PRICKLE1: variants seen among roughly 807,000 people sequenced by gnomAD.
PRICKLE1 encodes the protein prickle planar cell polarity protein 1, also known as prickle-like protein 1.
A neutral mutation model predicts 70.2 loss-of-function variants in PRICKLE1; 14 were observed. That is an observed-to-expected ratio of 0.20 (90% CI 0.13 to 0.31). The LOEUF is 0.31. Ranked by LOEUF, PRICKLE1 falls within the 10% of genes least tolerant of loss-of-function variation. The pLI is 1.00. For synonymous variants in PRICKLE1, 357 were observed against 379.9 expected (o/e 0.94, Z 0.70); for missense variants, 821 against 1,026.2 (o/e 0.80, Z 2.73).
At chr12:42,545,777 T>C (rs2120623659) in intron 1 of PRICKLE1, among the ~76,000 whole-genome samples, 2 of 151,368 alleles carry the variant, frequency 1.3e-5, no homozygotes, top group South Asian at 4.2e-4. Flanking sequence ...TTGAACTCGG[T>C]AGGCAAAGGT....
chr12:42,571,469 C>T (rs1718787139), intron 1 of PRICKLE1, among the ~76,000 whole-genome samples: 1 of 152,160 alleles, frequency 6.6e-6, no homozygotes, highest in Non-Finnish European at 1.5e-5. Context: ...GTGTTTAAAG[C>T]TGGTGAGGGG....
chr12:42,585,853 T>C (rs1940978585), intron 1 of PRICKLE1, among the ~76,000 whole-genome samples: 1 of 152,162 alleles, frequency 6.6e-6, no homozygotes, highest in Non-Finnish European at 1.5e-5. Context: ...AAGCGCTACA[T>C]TTCTGTGTGT....
chr12:42,516,748 G>A (rs1939618472), intron 1 of PRICKLE1, among the ~76,000 whole-genome samples: 1 of 152,122 alleles, frequency 6.6e-6, no homozygotes, highest in Non-Finnish European at 1.5e-5. Flanking sequence ...GATGATCTAG[G>A]TTGGGCCGTT....
intron 1 of PRICKLE1, among the ~76,000 whole-genome samples, chr12:42,553,386 G>A (rs1195756510): frequency 1.3e-5 from 2 of 151,744 alleles, no homozygotes; most frequent in South Asian, 2.1e-4. Flanking sequence ...AGAGCTTGCA[G>A]TGAGCCGAGA....
chr12:42,477,448 A>AT, intron 1 of PRICKLE1, among the ~76,000 whole-genome samples: 5 of 127,320 alleles, frequency 3.9e-5, no homozygotes, highest in African/African-American at 1.7e-4. Context: ...ATGTGTATAT[A>AT]TGTATATACG....
At chr12:42,498,778 G>A (rs1231436214) in intron 1 of PRICKLE1, among the ~76,000 whole-genome samples, 1 of 152,110 alleles carries the variant, frequency 6.6e-6, no homozygotes, top group Non-Finnish European at 1.5e-5. Context: ...TGTAGAACTG[G>A]TAGTTTCCAC....
At chr12:42,549,416 T>C (rs1940271160) in intron 1 of PRICKLE1, among the ~76,000 whole-genome samples, 2 of 152,124 alleles carry the variant, frequency 1.3e-5, no homozygotes, top group Non-Finnish European at 2.9e-5. Flanking sequence ...CTTGACATAG[T>C]TTCAGGAGTC....
chr12:42,498,499 C>T (rs769787358), intron 1 of PRICKLE1, among the ~76,000 whole-genome samples: 2 of 152,002 alleles, frequency 1.3e-5, no homozygotes, highest in African/African-American at 2.4e-5. Context: ...ATCTCTTCTG[C>T]GGGCCAGGCA....
At chr12:42,467,795 C>T (rs1223738436) in intron 5 of PRICKLE1, among the ~76,000 whole-genome samples, 3 of 151,832 alleles carry the variant, frequency 2.0e-5, no homozygotes, top group African/African-American at 7.3e-5. Context: ...TCAAATAGAA[C>T]ATTGTTGAAA....
At chr12:42,517,457 C>T (rs1053219142) in intron 1 of PRICKLE1, among the ~76,000 whole-genome samples, 24 of 151,852 alleles carry the variant, frequency 1.6e-4, no homozygotes, top group African/African-American at 4.4e-4. Flanking sequence ...GGACTACAGG[C>T]GCCCGCCACC....
chr12:42,506,169 G>T (rs1939407770), intron 1 of PRICKLE1, among the ~76,000 whole-genome samples: 1 of 151,960 alleles, frequency 6.6e-6, no homozygotes, highest in African/African-American at 2.4e-5. Flanking sequence ...TGATTTTAGG[G>T]ATTTGACCCA....
At chr12:42,562,901 A>G (rs764257609) in intron 1 of PRICKLE1, among the ~76,000 whole-genome samples, 12 of 152,156 alleles carry the variant, frequency 7.9e-5, no homozygotes, top group Non-Finnish European at 1.6e-4. Flanking sequence ...TTAAATTGTG[A>G]TCAGGGGGCC....
intron 1 of PRICKLE1, among the ~76,000 whole-genome samples, chr12:42,529,923 C>G (rs939078817): frequency 1.4e-5 from 2 of 144,524 alleles, no homozygotes; most frequent in South Asian, 4.4e-4. Flanking sequence ...TTTCTTTTCT[C>G]TTTTCCTTCC....
chr12:42,460,265 CT>C lies in PRICKLE1; in HGVS notation c.2039del (p.Lys680SerfsTer8). On this transcript the variant is annotated frameshift_variant, in exon 8 of 8. Coordinates refer to ENST00000345127, the MANE Select transcript of PRICKLE1 (RefSeq NM_153026.3). LOFTEE classifies it low-confidence loss of function (END_TRUNC). ...SHHHRRRRSR[K>X]SRSDNALNLV... The stretch of plus-strand genomic sequence containing the variant: ...GATTCAGGGCATTGTCGGAGCGGGA[CT>C]TTCTACTTCTCCGGCGGCGGTGGTG... The C allele has an allele frequency of 1.9e-6, 3 of 1,614,152 alleles. No homozygotes were observed. Among genetic ancestry groups the C allele is most frequent in the Non-Finnish European group, 2.5e-6 (3 of 1,180,038 alleles).
chr12:42,515,892 T>TTAAA (rs1939602491), intron 1 of PRICKLE1, among the ~76,000 whole-genome samples: 1 of 152,224 alleles, frequency 6.6e-6, no homozygotes, highest in African/African-American at 2.4e-5. Context: ...ACACAGTACT[T>TTAAA]GGTAAGCCTT....
intron 1 of PRICKLE1, among the ~76,000 whole-genome samples, chr12:42,583,659 A>G (rs538452558): frequency 6.6e-6 from 1 of 152,328 alleles, no homozygotes; most frequent in South Asian, 2.1e-4. Context: ...GAAACATGGC[A>G]TTTACAAATT....
chr12:42,524,411 TTTTTA>T (rs537167077), intron 1 of PRICKLE1, among the ~76,000 whole-genome samples: 77 of 152,218 alleles, frequency 5.1e-4, no homozygotes, highest in Middle Eastern at 3.4e-3. Flanking sequence ...AATCACTGTA[TTTTTA>T]TTTTATTTTA....
chr12:42,548,130 C>A (rs1324216615), intron 1 of PRICKLE1, among the ~76,000 whole-genome samples: 1 of 152,024 alleles, frequency 6.6e-6, no homozygotes, highest in Non-Finnish European at 1.5e-5. Context: ...ACGAGATTCT[C>A]CTGCCTCAGC....
At position 42,460,046 on chromosome 12, in the gene PRICKLE1, T is replaced by C; in HGVS notation, c.2259A>G (p.Gly753=). ...AGGAATCATCATCCTCGCCGTAGAG[T>C]CCCAGAAACCGATTCATTCCTGGGT... ...LQNPGMNRFL[G]LYGEDDDSWC... The change falls in exon 8 of 8, where the codon GGA becomes GGG. Residue 753 remains glycine, a synonymous_variant. Transcript: ENST00000345127. The C allele has an allele frequency of 6.2e-7, 1 of 1,613,866 alleles. No homozygotes were observed. The highest frequency in any genetic ancestry group is 8.5e-7 in the Non-Finnish European group (1 of 1,179,948).
Sources: allele counts gnomAD v4.1 joint callset (sites outside exome capture counted in the v4.1 genomes callset), GRCh38; gene constraint gnomAD v4.1.1; transcripts MANE v1.5; gene names NCBI Gene and HGNC (gene_info 2026-07-23, HGNC 2026-07-21).